The following VTA1 variants were observed in gnomAD, a reference collection of about 807,000 sequenced individuals.
VTA1 encodes the protein vesicle trafficking 1, also known as vacuolar protein sorting-associated protein VTA1 homolog.
VTA1 carries 24 observed loss-of-function variants against 36.9 expected under a neutral mutation model. The observed-to-expected ratio is 0.65, with a 90% CI of 0.47 to 0.91. The LOEUF (loss-of-function observed/expected upper bound fraction) is 0.91, where lower values mean the gene tolerates loss of function less well. Ranked by LOEUF, VTA1 falls within the 40% of genes least tolerant of loss-of-function variation. The pLI is 0.00. For missense variants in VTA1, 393 were observed against 377.2 expected (o/e 1.04, Z -0.35); for synonymous variants, 142 against 130.2 (o/e 1.09, Z -0.62).
Position 142,198,565 on chromosome 6 carries a change from C to G in VTA1, c.647C>G (p.Pro216Arg). 1 of 1,613,834 alleles carries G rather than the reference C, an allele frequency of 6.2e-7. No homozygotes were observed. Among genetic ancestry groups the G allele is most frequent in the Non-Finnish European group, 8.5e-7 (1 of 1,179,814 alleles). Residue 216 changes from proline to arginine, a missense_variant, in exon 6 of 8, where the codon CCG becomes CGG. Physicochemically the swap from Pro to Arg is moderately radical, Grantham distance 103. Transcript: ENST00000367630. Reference protein sequence around the residue: ...SGNYTGIQIPPGAHAPANTPA... With the variant: ...SGNYTGIQIPRGAHAPANTPA... ...AACTATACTGGAATACAGATTCCTC[C>G]GGGTGCACACGCTCCAGCTAATACA...
At chr6:142,147,505 C>T in intron 1 of VTA1, 106 bp downstream of exon 1, 2 of 1,223,992 alleles carry the variant, frequency 1.6e-6, no homozygotes, top group South Asian at 1.3e-5. Context: ...CGCTTTAAAC[C>T]TGAGCTTTGA....
intron 1 of VTA1, among the ~76,000 whole-genome samples, chr6:142,152,367 G>A (rs974665977): frequency 6.6e-6 from 1 of 152,046 alleles, no homozygotes; most frequent in African/African-American, 2.4e-5. Context: ...ATGATAGGTG[G>A]TTATATGGTT....
Position 142,221,549 on chromosome 6 carries a change from G to A in VTA1, c.*2906G>A, listed in dbSNP as rs1433001817. The A allele has an allele frequency of 6.6e-6, 1 of 151,984 alleles. No individual in the cohort carries two copies. Among genetic ancestry groups the A allele is most frequent in the Non-Finnish European group, 1.5e-5 (1 of 68,000 alleles). The allele number at this position is 151,984 out of a possible 1,614,324, so 9.4% of individuals were successfully genotyped here. A position where few individuals can be genotyped will look rare whatever the true frequency, so the allele number is the denominator to read the frequency against. Reference sequence around the variant, plus strand: ...ATATGGAAAGGTTTTCAGAAGAAACGTAGCCTGATGTGACTTAACTTTTGA... The same window carrying A: ...ATATGGAAAGGTTTTCAGAAGAAACATAGCCTGATGTGACTTAACTTTTGA... On this transcript the variant is annotated 3_prime_UTR_variant, in exon 8 of 8. Transcript: ENST00000367630.
chr6:142,203,321 A>G (rs905717869), intron 6 of VTA1, among the ~76,000 whole-genome samples: 3 of 152,058 alleles, frequency 2.0e-5, no homozygotes, highest in Non-Finnish European at 4.4e-5. Context: ...ATTTGGAGTA[A>G]TCAACTTTTC....
chr6:142,149,363 GAAT>G lies in VTA1; in HGVS notation c.112+1970_112+1972del, dbSNP rs370928031. On this transcript the variant is annotated intron_variant, in intron 1 of 7. Transcript: ENST00000367630. ...ATATGTAATGTGCAGACAGTTTAAG[GAAT>G]AATAAAATGAACACTAATATGCCTA... Among the ~76,000 whole-genome samples the G allele has an allele frequency of 4.2e-3, 645 of 152,212 alleles. 6 individuals are homozygous for G. The highest frequency in any genetic ancestry group is 0.014 in the African/African-American group (593 of 41,530).
chr6:142,195,933 T>C (rs1425084830), intron 5 of VTA1, among the ~76,000 whole-genome samples: 3 of 152,146 alleles, frequency 2.0e-5, no homozygotes, highest in Admixed American at 2.0e-4. Context: ...CAAGATTTCT[T>C]TCATGGCCCA....
At chr6:142,210,877 C>T (rs1042786048) in intron 7 of VTA1, among the ~76,000 whole-genome samples, 3 of 151,840 alleles carry the variant, frequency 2.0e-5, no homozygotes, top group South Asian at 2.1e-4. Context: ...TCATGTTTAT[C>T]GCAGCACTAT....
intron 1 of VTA1, among the ~76,000 whole-genome samples, chr6:142,149,239 A>ATT (rs1162147406): frequency 1.3e-5 from 2 of 152,124 alleles, no homozygotes; most frequent in Non-Finnish European, 2.9e-5. Context: ...CATGCCCAGT[A>ATT]TTTCACTGAA....
chr6:142,150,781 G>T (rs1047992530), intron 1 of VTA1, among the ~76,000 whole-genome samples: 2 of 152,036 alleles, frequency 1.3e-5, no homozygotes, highest in African/African-American at 2.4e-5. Context: ...GTGTGGTGGC[G>T]CATGCCTGTA....
At chr6:142,202,667 TAGC>T (rs1775712282) in intron 6 of VTA1, among the ~76,000 whole-genome samples, 2 of 152,006 alleles carry the variant, frequency 1.3e-5, no homozygotes, top group Non-Finnish European at 2.9e-5. Context: ...ACAAATTTCT[TAGC>T]AGAGAACAGC....
At chr6:142,150,302 C>T (rs746886204) in intron 1 of VTA1, among the ~76,000 whole-genome samples, 9 of 152,308 alleles carry the variant, frequency 5.9e-5, no homozygotes, top group Admixed American at 4.6e-4. Flanking sequence ...GCTAGACCAG[C>T]GCTCTCCAAA....
Position 142,223,150 on chromosome 6 carries a change from T to A in VTA1, c.*4507T>A, listed in dbSNP as rs923698507. 9 of 152,236 alleles carry A rather than the reference T, an allele frequency of 5.9e-5. No homozygotes were observed. Among genetic ancestry groups the A allele is most frequent in the African/African-American group, 1.9e-4 (8 of 41,460 alleles). The allele number at this position is 152,236 out of a possible 1,614,324, so 9.4% of individuals were successfully genotyped here. A position where few individuals can be genotyped will look rare whatever the true frequency, so the allele number is the denominator to read the frequency against. On this transcript the variant is annotated 3_prime_UTR_variant, in exon 8 of 8. Transcript: ENST00000367630. ...AAATTTTTCTATTATCTGGGCCATA[T>A]GTTCCAATTGACAGTGCTAGGCAGT...
At chr6:142,202,985 A>AT (rs1775720026) in intron 6 of VTA1, among the ~76,000 whole-genome samples, 1 of 151,894 alleles carries the variant, frequency 6.6e-6, no homozygotes, top group African/African-American at 2.4e-5. Flanking sequence ...TATTTAAACC[A>AT]TTTTTTCTCT....
In VTA1 at chr6:142,169,018, C is replaced by T. The variant is rs552349871; in HGVS notation, c.208-532C>T. 2.3e-3 allele frequency among the ~76,000 whole-genome samples: 347 copies of T among 152,162 alleles called. 1 individual carries two copies. Among genetic ancestry groups the T allele is most frequent in the Non-Finnish European group, 4.1e-3 (276 of 68,012 alleles). On this transcript the variant is annotated intron_variant, in intron 2 of 7. Coordinates refer to ENST00000367630, the MANE Select transcript of VTA1 (RefSeq NM_016485.5). ...TCTCCTGACCTCGTGATCCACCCGC[C>T]TCAGCCTCTCAAAGTACTGGGATTA... is the stretch of plus-strand genomic sequence containing the variant.
rs1460764447 is a variant in VTA1, at chr6:142,183,176, A to G, written c.412-6250A>G. Among the ~76,000 whole-genome samples, 7 of 152,354 alleles carry G rather than the reference A, an allele frequency of 4.6e-5. No homozygotes were observed. In the South Asian group the frequency reaches 1.0e-3, roughly 23 times the overall value. On this transcript the variant is annotated intron_variant, in intron 4 of 7. Transcript: ENST00000367630. ...TTTCACACCAACCTAATAGCAATAT[A>G]GAAGTAATCTGTAACCTTGACAAAA... is the stretch of plus-strand genomic sequence containing the variant.
Position 142,172,982 on chromosome 6 carries a change from A to G in VTA1, c.411+2561A>G, listed in dbSNP as rs577152270. On this transcript the variant is annotated intron_variant, in intron 4 of 7. Transcript: ENST00000367630. The stretch of plus-strand genomic sequence containing the variant: ...AACCATTTGACAAAAAAAAAAAAGA[A>G]AAAAAAACTGGTTGATGATTAACTA... Among the ~76,000 whole-genome samples the G allele has an allele frequency of 1.1e-4, 17 of 152,072 alleles. 1 individual carries two copies. In the South Asian group the frequency reaches 3.5e-3, roughly 31 times the overall value.
At chr6:142,189,656 G>A (rs1775413742) in intron 5 of VTA1, 122 bp downstream of exon 5, 1 of 671,076 alleles carries the variant, frequency 1.5e-6, no homozygotes, top group African/African-American at 1.8e-5. Context: ...ATCAATGAAA[G>A]TTAAGTATAA....
At chr6:142,184,554 T>C (rs113781291) in intron 4 of VTA1, among the ~76,000 whole-genome samples, 1 of 152,050 alleles carries the variant, frequency 6.6e-6, no homozygotes, top group African/African-American at 2.4e-5. Context: ...TAACTTGACT[T>C]ACTGGAAATG....
rs1774989873 is a variant in VTA1 at position 142,169,624 on chromosome 6, T to C, written c.282T>C (p.Ala94=). Residue 94 remains alanine, a synonymous_variant, in exon 3 of 8, where the codon GCT becomes GCC. Transcript: ENST00000367630. ...GCTGTGCCCATTTGGAGAATTATGC[T>C]TTGAAAATGTTTTTGTATGCAGACA... ...IVGCAHLENY[A]LKMFLYADNE... is the part of the protein sequence containing the mutation. 6.2e-7 allele frequency: 1 copy of C among 1,610,138 alleles called. No homozygotes were observed. The highest frequency in any genetic ancestry group is 8.5e-7 in the Non-Finnish European group (1 of 1,179,052).
Sources: allele counts gnomAD v4.1 joint callset (sites outside exome capture counted in the v4.1 genomes callset), GRCh38; gene constraint gnomAD v4.1.1; transcripts MANE v1.5; gene names NCBI Gene and HGNC (gene_info 2026-07-23, HGNC 2026-07-21).